ADCY7: variants seen among roughly 807,000 people sequenced by gnomAD.
The protein encoded by ADCY7 is adenylate cyclase type 7.
In ADCY7, 72 loss-of-function variants were observed where a neutral mutation model predicts 120.6. The observed-to-expected ratio is 0.60, with a 90% CI of 0.49 to 0.73. The LOEUF (loss-of-function observed/expected upper bound fraction) is 0.73. Among genes scored for constraint, ADCY7 ranks in the 30% least tolerant of loss-of-function variants. ADCY7 has a pLI of 0.00. For synonymous variants in ADCY7, 661 were observed against 628.0 expected, an observed-to-expected ratio of 1.05 and a Z score of -0.78; for missense variants, 1,227 against 1,486.0, an observed-to-expected ratio of 0.83 and a Z score of 2.87.
At chr16:50,311,600 T>A in intron 19 of ADCY7, 93 bp from the exon 20 acceptor site, 1 of 830,534 alleles carries the variant, frequency 1.2e-6, no homozygotes, top group Non-Finnish European at 2.0e-6. Flanking sequence ...AATTTTCCCC[T>A]TTCCCCTGGG....
chr16:50,300,510 T>G (rs546859797), intron 8 of ADCY7, among the ~76,000 whole-genome samples: 1 of 152,320 alleles, frequency 6.6e-6, no homozygotes, highest in South Asian at 2.1e-4. Flanking sequence ...AGGTCAGCTG[T>G]GGCCACACCT....
At chr16:50,268,948 G>T (rs948526144) in intron 1 of ADCY7, among the ~76,000 whole-genome samples, 8 of 152,182 alleles carry the variant, frequency 5.3e-5, no homozygotes, top group African/African-American at 1.9e-4. Context: ...AAGGCAGGAG[G>T]ATCCTTTGAG....
chr16:50,290,733 A>T (rs753830201), intron 3 of ADCY7, 73 bp downstream of exon 3: 1,149 of 1,517,366 alleles, frequency 7.6e-4, no homozygotes, highest in Non-Finnish European at 8.5e-4. Context: ...TGGGCATGCC[A>T]CAGGCCCTTC....
At chr16:50,306,684 C>A (rs1308877487) in intron 14 of ADCY7, among the ~76,000 whole-genome samples, 1 of 152,152 alleles carries the variant, frequency 6.6e-6, no homozygotes, top group Non-Finnish European at 1.5e-5. Context: ...GCCATGAGCT[C>A]TGCAGGGACC....
intron 1 of ADCY7, among the ~76,000 whole-genome samples, chr16:50,284,725 C>G (rs2034476897): frequency 6.6e-6 from 1 of 152,204 alleles, no homozygotes; most frequent in Non-Finnish European, 1.5e-5. Flanking sequence ...GCTGAGGAGC[C>G]CTGGTTTGGG....
At chr16:50,290,692 C>T (rs368612592) in intron 3 of ADCY7, 32 bp downstream of exon 3, 33 of 1,595,342 alleles carry the variant, frequency 2.1e-5, no homozygotes, top group Admixed American at 5.1e-5. Flanking sequence ...CTGCCAGCTG[C>T]GCCTTCAGCA....
intron 1 of ADCY7, among the ~76,000 whole-genome samples, chr16:50,251,257 A>G (rs1290529776): frequency 1.3e-5 from 2 of 152,124 alleles, no homozygotes; most frequent in Non-Finnish European, 2.9e-5. Context: ...AAAAGAAAGA[A>G]AAAGAAAAAA....
chr16:50,263,286 C>T (rs568829235), upstream of ADCY7, among the ~76,000 whole-genome samples: 287 of 152,072 alleles, frequency 1.9e-3, no homozygotes, highest in Middle Eastern at 3.4e-3. Context: ...TCCTGCCTGC[C>T]GGGACCTCCT....
chr16:50,285,123 A>G (rs2034502212), intron 1 of ADCY7, among the ~76,000 whole-genome samples: 2 of 152,216 alleles, frequency 1.3e-5, no homozygotes, highest in African/African-American at 2.4e-5. Context: ...GCAAATATTG[A>G]AAAATTTGAA....
In ADCY7 at chr16:50,307,109, C is replaced by A; in HGVS notation, c.1812C>A (p.Phe604Leu). 5.0e-6 allele frequency: 8 copies of A among 1,612,154 alleles called. No individual in the cohort carries two copies. The highest frequency in any genetic ancestry group is 1.3e-5 in the African/African-American group (1 of 75,036). ...ACTTTGCCTGCGCCAGCCTGATCTT[C>A]GTCTGCATCCTGCTCGTCCATGTCC... is the stretch of plus-strand genomic sequence containing the variant. ...RHDFACASLI[F>L]VCILLVHVLL... The change falls in exon 15 of 26, where the codon TTC becomes TTA. Residue 604 changes from phenylalanine to leucine, a missense_variant. This residue lies in a region of ADCY7 where 332 missense variants were observed against 455.8 expected (regional missense o/e 0.73). Transcript: ENST00000673801.
In ADCY7 at chr16:50,311,925, T is replaced by C. The variant is rs542283967; in HGVS notation, c.2449-111T>C. The C allele has an allele frequency of 9.2e-6, 14 of 1,525,892 alleles. No individual in the cohort carries two copies. The African/African-American group carries it at 1.9e-4, about 21-fold the overall frequency. 94.5% of individuals were successfully genotyped at this position (1,525,892 alleles called of 1,614,324 possible). The stretch of plus-strand genomic sequence containing the variant: ...TCCTGCCAGGAAAGCACTGGTCCCC[T>C]GGCCAGAGGCTCCAAGGACGCCAGG... On this transcript the variant is annotated intron_variant, in intron 20 of 25. Coordinates refer to ENST00000673801, the MANE Select transcript of ADCY7 (RefSeq NM_001114.5).
Position 50,308,963 on chromosome 16 carries a change from T to C in ADCY7, c.2061+171T>C, listed in dbSNP as rs1051501221. ...CTCAGGGCTCCTCACCTTTGGGTTC[T>C]CAAATGCGGACTTTGGGGGCCCAGA... On this transcript the variant is annotated intron_variant, in intron 17 of 25. Transcript: ENST00000673801. 15 of 793,766 alleles carry C rather than the reference T, an allele frequency of 1.9e-5. No homozygotes were observed. The African/African-American group carries it at 2.5e-4, about 13-fold the overall frequency. 49.2% of individuals were successfully genotyped at this position (793,766 alleles called of 1,614,324 possible).
At chr16:50,292,539 C>G in intron 4 of ADCY7, 137 bp from the exon 5 acceptor site, 4 of 1,112,288 alleles carry the variant, frequency 3.6e-6, no homozygotes, top group Middle Eastern at 2.3e-4. Flanking sequence ...CTGTCTGCCC[C>G]AGGAAGAGTG....
upstream of ADCY7, among the ~76,000 whole-genome samples, chr16:50,261,738 C>T (rs999985387): frequency 2.0e-5 from 3 of 152,180 alleles, no homozygotes; most frequent in Non-Finnish European, 2.9e-5. Flanking sequence ...CCCTGGAGCC[C>T]CTGACTCCAG....
chr16:50,253,211 T>C (rs529050703), intron 1 of ADCY7, among the ~76,000 whole-genome samples: 11 of 152,352 alleles, frequency 7.2e-5, no homozygotes, highest in Non-Finnish European at 1.5e-5. Flanking sequence ...GTAGTGGGAC[T>C]GTTTCTTTAG....
chr16:50,287,620 C>T (rs1385275612), intron 1 of ADCY7, among the ~76,000 whole-genome samples: 1 of 148,196 alleles, frequency 6.7e-6, no homozygotes, highest in Non-Finnish European at 1.5e-5. Context: ...TTTGAGGCTG[C>T]AGTGAGCTAT....
rs2034689133 is a variant in ADCY7, at chr16:50,288,008, C to T, written c.-172C>T. On this transcript the variant is annotated 5_prime_UTR_variant, in exon 2 of 26. Coordinates refer to ENST00000673801, the MANE Select transcript of ADCY7 (RefSeq NM_001114.5). The stretch of plus-strand genomic sequence containing the variant: ...GCCTGGTGCCAGAGCTGTGCGGACC[C>T]CTTGTTGGCCATGGAGCAGCAGGCC... 1 of 684,774 alleles carries T rather than the reference C, an allele frequency of 1.5e-6. No individual in the cohort carries two copies. The highest frequency in any genetic ancestry group is 2.3e-6 in the Non-Finnish European group (1 of 428,174). The allele number at this position is 684,774 out of a possible 1,614,324, so 42.4% of individuals were successfully genotyped here.
chr16:50,266,511 C>T (rs570183747), upstream of ADCY7: 11 of 164,374 alleles, frequency 6.7e-5, no homozygotes, highest in East Asian at 5.6e-4. Context: ...CCGCTGCTGC[C>T]GCTGCCGGAG....
Position 50,293,425 on chromosome 16 carries a change from C to G in ADCY7, c.759C>G (p.Leu253=). 6.2e-7 allele frequency: 1 copy of G among 1,614,064 alleles called. No individual in the cohort carries two copies. The highest frequency in any genetic ancestry group is 8.5e-7 in the Non-Finnish European group (1 of 1,180,036). ...TGAAGCTGGCCATCATCGAACGGCT[C>G]AAGGAGCATGGTGACCGTCGCTGCA... ...MGMKLAIIER[L]KEHGDRRCMP... Residue 253 remains leucine (L), a synonymous_variant, in exon 6 of 26, where the codon CTC becomes CTG. Coordinates refer to ENST00000673801, the MANE Select transcript of ADCY7 (RefSeq NM_001114.5).
Sources: gnomAD v4.1 joint callset for allele counts (sites outside exome capture counted in the v4.1 genomes callset) on GRCh38, gnomAD v4.1.1 for gene constraint, gnomAD v4.1.1 regional missense constraint, MANE v1.5 for transcripts, NCBI Gene and HGNC (gene_info 2026-07-23, HGNC 2026-07-21) for gene names.